The following SLC38A8 variants were observed in gnomAD, a reference collection of about 807,000 sequenced individuals.
SLC38A8 encodes amino acid transporter SLC38A8.
A neutral mutation model predicts 46.0 loss-of-function variants in SLC38A8; 65 were observed. That is an observed-to-expected ratio of 1.41 (90% CI 1.16 to 1.74). SLC38A8 has a LOEUF of 1.74. SLC38A8 is among the 40% of genes most tolerant of loss of function. The pLI, the probability that SLC38A8 is intolerant of heterozygous loss-of-function variation, is 0.00. For missense variants in SLC38A8, 998 were observed against 567.9 expected (o/e 1.76, Z -7.70); for synonymous variants, 447 against 243.7 (o/e 1.83, Z -7.77).
At chr16:84,034,910 G>A (rs112459207) in intron 3 of SLC38A8, among the ~76,000 whole-genome samples, 9 of 152,026 alleles carry the variant, frequency 5.9e-5, no homozygotes, top group Non-Finnish European at 1.3e-4. Flanking sequence ...AGCGTTCCCG[G>A]ATGCTTGAGA....
Position 84,017,255 on chromosome 16 carries a change from CT to C in SLC38A8, c.837del (p.Val280PhefsTer6), listed in dbSNP as rs756501758. ...TAGGACATCAAGACGTCAGCAGAAA[CT>C]TCTGTCCCAAAAGTCAGGAAGCCAT... ...GVYGFLTFGT[E>X]VSADVLMSYP... On this transcript the variant is annotated frameshift_variant, in exon 8 of 11. Coordinates refer to ENST00000299709, the MANE Select transcript of SLC38A8 (RefSeq NM_001080442.3). LOFTEE classifies it high-confidence loss of function. 6.2e-7 allele frequency: 1 copy of C among 1,614,006 alleles called. No individual in the cohort carries two copies. Among genetic ancestry groups the C allele is most frequent in the Non-Finnish European group, 8.5e-7 (1 of 1,180,020 alleles).
At chr16:84,034,396 T>C (rs1468978935) in intron 3 of SLC38A8, among the ~76,000 whole-genome samples, 1 of 152,262 alleles carries the variant, frequency 6.6e-6, no homozygotes, top group African/African-American at 2.4e-5. Flanking sequence ...CACAGTGGGA[T>C]GAATGATTTG....
chr16:84,010,489 C>A (rs1163188674), intron 10 of SLC38A8, among the ~76,000 whole-genome samples: 2 of 152,066 alleles, frequency 1.3e-5, no homozygotes, highest in African/African-American at 4.8e-5. Context: ...GCCTATAATC[C>A]CAGCACTTTG....
chr16:84,033,868 G>A (rs530344206), intron 3 of SLC38A8, among the ~76,000 whole-genome samples: 2 of 152,340 alleles, frequency 1.3e-5, no homozygotes, highest in African/African-American at 4.8e-5. Context: ...GTCAGCAACA[G>A]GCTGCTGTGC....
chr16:84,026,471 C>A (rs1175123733), intron 6 of SLC38A8, among the ~76,000 whole-genome samples: 1 of 152,216 alleles, frequency 6.6e-6, no homozygotes, highest in Non-Finnish European at 1.5e-5. Context: ...AGGTGATCCA[C>A]CCGCCTCGGC....
At position 84,013,187 on chromosome 16, in the gene SLC38A8, T is replaced by C. The variant is rs2084974828; in HGVS notation, c.1163-135A>G. On this transcript the variant is annotated intron_variant, in intron 9 of 10. Transcript: ENST00000299709. ...ATGGGTGCCCCTGGCTCAGGCCCCC[T>C]GGAGAGGCAACACAGTGGAGCTGGA... 3 of 872,732 alleles carry C rather than the reference T, an allele frequency of 3.4e-6. No homozygotes were observed. In the East Asian group the frequency reaches 7.5e-5, roughly 22 times the overall value. 54.1% of individuals were successfully genotyped at this position (872,732 alleles called of 1,614,324 possible). A position where few individuals can be genotyped will look rare whatever the true frequency, so the allele number is the denominator to read the frequency against.
chr16:84,028,631 C>T (rs77199437), intron 6 of SLC38A8, among the ~76,000 whole-genome samples: 6 of 151,082 alleles, frequency 4.0e-5, no homozygotes, highest in African/African-American at 4.9e-5. Flanking sequence ...AGGAGGGCTG[C>T]GGGAACCCAT....
intron 3 of SLC38A8, among the ~76,000 whole-genome samples, chr16:84,033,774 G>T (rs1012096541): frequency 1.3e-5 from 2 of 152,186 alleles, no homozygotes; most frequent in African/African-American, 4.8e-5. Context: ...ACATTCTGGT[G>T]AAAGACTCTT....
At chr16:84,024,781 C>T (rs2085142085) in intron 6 of SLC38A8, among the ~76,000 whole-genome samples, 1 of 152,116 alleles carries the variant, frequency 6.6e-6, no homozygotes, top group Non-Finnish European at 1.5e-5. Flanking sequence ...CCTCCGCCTC[C>T]CGGGCTTAAG....
intron 3 of SLC38A8, among the ~76,000 whole-genome samples, chr16:84,035,753 A>G (rs2085293304): frequency 6.6e-6 from 1 of 152,280 alleles, no homozygotes; most frequent in African/African-American, 2.4e-5. Context: ...AGAATACTTC[A>G]TAATAAAAGG....
chr16:84,032,829 AC>A (rs869114891), intron 4 of SLC38A8, among the ~76,000 whole-genome samples: 12 of 136,620 alleles, frequency 8.8e-5, no homozygotes, highest in African/African-American at 3.0e-4. Flanking sequence ...CCACAAAAAA[AC>A]AACCTCTGTG....
At chr16:84,038,674 A>G (rs1040190995) in intron 2 of SLC38A8, among the ~76,000 whole-genome samples, 1 of 152,162 alleles carries the variant, frequency 6.6e-6, no homozygotes, top group African/African-American at 2.4e-5. Flanking sequence ...ACTGCTACCC[A>G]CAGGCGGAAC....
At chr16:84,022,539 C>A (rs556256038) in intron 7 of SLC38A8, among the ~76,000 whole-genome samples, 7 of 152,212 alleles carry the variant, frequency 4.6e-5, no homozygotes, top group African/African-American at 1.4e-4. Flanking sequence ...GTTCAGGTCT[C>A]AGCTTTGCAG....
chr16:84,026,828 C>A (rs1170411829), intron 6 of SLC38A8, among the ~76,000 whole-genome samples: 1 of 152,126 alleles, frequency 6.6e-6, no homozygotes, highest in Non-Finnish European at 1.5e-5. Context: ...TAGGAGGTGG[C>A]CATCGTAGGC....
At chr16:84,026,562 G>T (rs953464511) in intron 6 of SLC38A8, among the ~76,000 whole-genome samples, 1 of 152,210 alleles carries the variant, frequency 6.6e-6, no homozygotes, top group Non-Finnish European at 1.5e-5. Flanking sequence ...GAGCAGGCCT[G>T]CTGAGGGCAG....
intron 2 of SLC38A8, among the ~76,000 whole-genome samples, chr16:84,039,531 G>T (rs1056969725): frequency 6.6e-6 from 1 of 152,054 alleles, no homozygotes; most frequent in Non-Finnish European, 1.5e-5. Flanking sequence ...GATCACCTGA[G>T]GTCAGGAGAT....
chr16:84,013,633 G>A (rs891440838), intron 9 of SLC38A8, among the ~76,000 whole-genome samples: 1 of 151,378 alleles, frequency 6.6e-6, no homozygotes, highest in Non-Finnish European at 1.5e-5. Flanking sequence ...ATTTCACCAT[G>A]TTGGTCAGGA....
rs779197965 is a variant in SLC38A8 at position 84,016,729 on chromosome 16, T to G, written c.954-2A>C. 6 of 1,610,814 alleles carry G rather than the reference T, an allele frequency of 3.7e-6. No individual in the cohort carries two copies. The highest frequency in any genetic ancestry group is 5.1e-6 in the Non-Finnish European group (6 of 1,179,092). ...CTCCAGAAGTCCTGCATCACTGACC[T>G]GGAGGCCACAGCCAACACAGACACA... is the stretch of plus-strand genomic sequence containing the variant. On this transcript the variant is annotated splice_acceptor_variant, in intron 8 of 10. Coordinates refer to ENST00000299709, the MANE Select transcript of SLC38A8 (RefSeq NM_001080442.3). LOFTEE classifies it high-confidence loss of function.
chr16:84,017,170 G>T lies in SLC38A8; in HGVS notation c.923C>A (p.Thr308Asn). 2 of 1,614,134 alleles carry T rather than the reference G, an allele frequency of 1.2e-6. No individual in the cohort carries two copies. Among genetic ancestry groups the T allele is most frequent in the Non-Finnish European group, 1.7e-6 (2 of 1,180,026 alleles). Reference sequence around the variant, plus strand: ...CAGGAAGAGCACGATGGGGTAGACAGTTACGATGGAGACAGCAAAAAGGAC... The same window carrying T: ...CAGGAAGAGCACGATGGGGTAGACATTTACGATGGAGACAGCAAAAAGGAC... ...ARVLFAVSIV[T>N]VYPIVLFLGR... is the part of the protein sequence containing the mutation. Residue 308 changes from threonine to asparagine, a missense_variant, in exon 8 of 11, where the codon ACT (threonine) becomes AAT (asparagine). By Grantham distance (65) the Thr-to-Asn change is moderately conservative. Coordinates refer to ENST00000299709, the MANE Select transcript of SLC38A8 (RefSeq NM_001080442.3).
Sources: allele counts gnomAD v4.1 joint callset (sites outside exome capture counted in the v4.1 genomes callset), GRCh38; gene constraint gnomAD v4.1.1; transcripts MANE v1.5; gene names NCBI Gene and HGNC (gene_info 2026-07-23, HGNC 2026-07-21).